The following EDEM1 variants were observed in gnomAD, a reference collection of about 807,000 sequenced individuals.
EDEM1 encodes the protein ER degradation-enhancing alpha-mannosidase-like protein 1.
Under a neutral mutation model 74.4 loss-of-function variants are expected in EDEM1, and 67 were observed. The observed-to-expected ratio is 0.90, with a 90% confidence interval of 0.74 to 1.10. EDEM1 has a LOEUF of 1.10. Among genes scored for constraint, EDEM1 ranks in the 50% least tolerant of loss-of-function variants. The pLI, the probability that EDEM1 is intolerant of heterozygous loss-of-function variation, is 0.00. For synonymous variants in EDEM1, 382 were observed against 335.9 expected, an observed-to-expected ratio of 1.14 and a Z score of -1.50; for missense variants, 926 against 851.6, an observed-to-expected ratio of 1.09 and a Z score of -1.09.
rs1273120820 is a variant in EDEM1, at chr3:5,218,995, T to C, written c.*3077T>C. The C allele has an allele frequency of 1.3e-5, 2 of 152,106 alleles. No individual in the cohort carries two copies. Among genetic ancestry groups the C allele is most frequent in the South Asian group, 4.1e-4 (2 of 4,830 alleles). 9.4% of individuals were successfully genotyped at this position (152,106 alleles called of 1,614,324 possible). A position where few individuals can be genotyped will look rare whatever the true frequency, so the allele number is the denominator to read the frequency against. The stretch of plus-strand genomic sequence containing the variant: ...TTTAAAGAAAAATGCACCAGGATGG[T>C]GTCTGTGCACGTGACTATTAGAGGA... On this transcript the variant is annotated 3_prime_UTR_variant, in exon 12 of 12. Transcript: ENST00000256497.
chr3:5,195,348 T>A, intron 2 of EDEM1, 67 bp downstream of exon 2: 1 of 962,098 alleles, frequency 1.0e-6, no homozygotes, highest in Non-Finnish European at 1.5e-6. Context: ...CCTAGTTCCC[T>A]CCAGCAGTGG....
chr3:5,193,742 C>G (rs749467166), intron 1 of EDEM1, among the ~76,000 whole-genome samples: 2 of 152,074 alleles, frequency 1.3e-5, no homozygotes, highest in Non-Finnish European at 2.9e-5. Context: ...GGATTACAGG[C>G]GCCTGCCACC....
intron 2 of EDEM1, among the ~76,000 whole-genome samples, chr3:5,198,296 G>C (rs1303514416): frequency 6.6e-6 from 1 of 152,142 alleles, no homozygotes; most frequent in African/African-American, 2.4e-5. Flanking sequence ...TGATCCGCTC[G>C]CTTTGGCCTC....
chr3:5,214,915 C>T (rs948973890), intron 11 of EDEM1, among the ~76,000 whole-genome samples: 4 of 152,194 alleles, frequency 2.6e-5, no homozygotes, highest in Non-Finnish European at 5.9e-5. Context: ...GTCTGTAGTG[C>T]TGTTGAAACA....
chr3:5,189,802 G>C (rs561242254), intron 1 of EDEM1, among the ~76,000 whole-genome samples: 12 of 152,226 alleles, frequency 7.9e-5, no homozygotes, highest in African/African-American at 2.6e-4. Context: ...GGGTTTCACC[G>C]TATTAGCCAG....
At position 5,209,710 on chromosome 3, in the gene EDEM1, G is replaced by A. The variant is rs1391168539; in HGVS notation, c.1510-465G>A. 2.0e-5 allele frequency among the ~76,000 whole-genome samples: 3 copies of A among 152,116 alleles called. No individual in the cohort carries two copies. In the East Asian group the frequency reaches 5.8e-4, roughly 29 times the overall value. On this transcript the variant is annotated intron_variant, in intron 8 of 11. Transcript: ENST00000256497. Reference sequence around the variant, plus strand: ...GGGTGATTAGAAAGGAAAGGGTGGCGGCCTCCTTTCATACTTCGGAAAGTC... The same window carrying A: ...GGGTGATTAGAAAGGAAAGGGTGGCAGCCTCCTTTCATACTTCGGAAAGTC...
chr3:5,209,307 TAGAA>T (rs1263767769), intron 8 of EDEM1, among the ~76,000 whole-genome samples: 1 of 152,198 alleles, frequency 6.6e-6, no homozygotes, highest in East Asian at 1.9e-4. Context: ...CTGAGCCCAG[TAGAA>T]AGACTGTACA....
At chr3:5,205,731 T>A (rs1255820308) in intron 6 of EDEM1, among the ~76,000 whole-genome samples, 1 of 152,186 alleles carries the variant, frequency 6.6e-6, no homozygotes, top group East Asian at 1.9e-4. Flanking sequence ...CCAGAGTGAG[T>A]GATCTGAGAG....
In EDEM1 at chr3:5,219,643, A is replaced by G. The variant is rs556864263; in HGVS notation, c.*3725A>G. 14 of 152,760 alleles carry G rather than the reference A, an allele frequency of 9.2e-5. No individual in the cohort carries two copies. Among genetic ancestry groups the G allele is most frequent in the Middle Eastern group, 3.4e-3 (1 of 294 alleles). The allele number at this position is 152,760 out of a possible 1,614,324, so 9.5% of individuals were successfully genotyped here. A position where few individuals can be genotyped will look rare whatever the true frequency, so the allele number is the denominator to read the frequency against. ...AAAGGTTATTTTGTTTTAGTTTTAA[A>G]TAGCAAAACACAAGCTGCATTTTTA... On this transcript the variant is annotated 3_prime_UTR_variant, in exon 12 of 12. Transcript: ENST00000256497.
chr3:5,203,138 C>T lies in EDEM1; in HGVS notation c.1031C>T (p.Thr344Ile). ...KALWNLRSND[T>I]GLLGNVVNIQ... is the part of the protein sequence containing the mutation. Reference sequence around the variant, plus strand: ...CTTTGGAACCTCCGGAGCAATGATACAGGATTACTAGGTGTGGCACCTTTC... The same window carrying T: ...CTTTGGAACCTCCGGAGCAATGATATAGGATTACTAGGTGTGGCACCTTTC... Residue 344 changes from threonine (T) to isoleucine (I), a missense_variant, in exon 5 of 12, where the codon ACA (threonine) becomes ATA (isoleucine). Coordinates refer to ENST00000256497, the MANE Select transcript of EDEM1 (RefSeq NM_014674.3). 6.3e-7 allele frequency: 1 copy of T among 1,583,602 alleles called. No individual in the cohort carries two copies. Among genetic ancestry groups the T allele is most frequent in the Non-Finnish European group, 8.6e-7 (1 of 1,166,454 alleles).
intron 1 of EDEM1, among the ~76,000 whole-genome samples, chr3:5,190,558 T>G (rs1194611033): frequency 6.6e-6 from 1 of 152,252 alleles, no homozygotes; most frequent in Non-Finnish European, 1.5e-5. Context: ...TATTTCAGGA[T>G]GAAGGCTGCC....
Position 5,216,145 on chromosome 3 carries a change from A to G in EDEM1, c.*227A>G. 3.8e-6 allele frequency: 2 copies of G among 526,144 alleles called. No individual in the cohort carries two copies. Among genetic ancestry groups the G allele is most frequent in the Non-Finnish European group, 6.6e-6 (2 of 302,794 alleles). The allele number at this position is 526,144 out of a possible 1,614,324, so 32.6% of individuals were successfully genotyped here. On this transcript the variant is annotated 3_prime_UTR_variant, in exon 12 of 12. Coordinates refer to ENST00000256497, the MANE Select transcript of EDEM1 (RefSeq NM_014674.3). ...GATATAATTTGAAGTGAGAAGATAC[A>G]TGGAAATTGCCCTCTTATGACATGT...
At chr3:5,214,576 C>G (rs1166940536) in intron 11 of EDEM1, among the ~76,000 whole-genome samples, 2 of 152,162 alleles carry the variant, frequency 1.3e-5, no homozygotes, top group African/African-American at 2.4e-5. Flanking sequence ...AAACACATAC[C>G]AGGGTTAGCC....
At chr3:5,211,307 T>C (rs1362132237) in intron 10 of EDEM1, 91 bp downstream of exon 10, 1 of 1,224,086 alleles carries the variant, frequency 8.2e-7, no homozygotes, top group South Asian at 1.3e-5. Context: ...ACTTACTGGC[T>C]AAAGCTATGT....
At position 5,188,280 on chromosome 3, in the gene EDEM1, C is replaced by A. The variant is rs549017681; in HGVS notation, c.475C>A (p.His159Asn). 6 of 1,548,356 alleles carry A rather than the reference C, an allele frequency of 3.9e-6. No homozygotes were observed. The highest frequency in any genetic ancestry group is 1.7e-4 in the Middle Eastern group (1 of 5,872). The change falls in exon 1 of 12, where the codon CAC becomes AAC. Residue 159 changes from histidine to asparagine, a missense_variant. Physicochemically the swap from His to Asn is moderately conservative, Grantham distance 68. Coordinates refer to ENST00000256497, the MANE Select transcript of EDEM1 (RefSeq NM_014674.3). ...AFPQDELNPI[H>N]CRGRGPDRGD... ...CCCCCAGGACGAGCTCAACCCCATCCACTGCCGCGGCCGTGGGCCCGACCG... is the reference window on the plus strand; with the variant it reads ...CCCCCAGGACGAGCTCAACCCCATCAACTGCCGCGGCCGTGGGCCCGACCG...
At chr3:5,202,923 T>A (rs962766888) in intron 4 of EDEM1, 43 bp from the exon 5 acceptor site, 22 of 1,585,886 alleles carry the variant, frequency 1.4e-5, no homozygotes, top group Non-Finnish European at 1.9e-5. Flanking sequence ...GCTCTGTGGA[T>A]TCCTTGAGTT....
chr3:5,207,260 T>TAA lies in EDEM1; in HGVS notation c.1325_1326insAA (p.Phe442LeufsTer8). On this transcript the variant is annotated frameshift_variant, in exon 7 of 12. Transcript: ENST00000256497. LOFTEE classifies it high-confidence loss of function. Reference sequence around the variant, plus strand: ...TGGATTGACTCTCTGCAGGCCTTTTTCCCTGGACTGCAGGTATTTTGCCAT... The same window carrying TAA: ...TGGATTGACTCTCTGCAGGCCTTTTTAACCCTGGACTGCAGGTATTTTGCCAT... 2 of 1,614,098 alleles carry TAA rather than the reference T, an allele frequency of 1.2e-6. No individual in the cohort carries two copies. The highest frequency in any genetic ancestry group is 1.7e-6 in the Non-Finnish European group (2 of 1,180,000).
At chr3:5,211,299 T>G in intron 10 of EDEM1, 83 bp downstream of exon 10, 1 of 1,328,892 alleles carries the variant, frequency 7.5e-7, no homozygotes, top group Non-Finnish European at 1.1e-6. Flanking sequence ...TGACAGGTAC[T>G]TACTGGCTAA....
intron 2 of EDEM1, among the ~76,000 whole-genome samples, chr3:5,197,064 CTTT>C (rs34982467): frequency 6.2e-4 from 72 of 115,558 alleles, no homozygotes; most frequent in African/African-American, 8.4e-4. Context: ...GAGTAGCTGG[CTTT>C]TTTTTTTTTT....
Sources: allele counts gnomAD v4.1 joint callset (sites outside exome capture counted in the v4.1 genomes callset), GRCh38; gene constraint gnomAD v4.1.1; transcripts MANE v1.5; gene names NCBI Gene and HGNC (gene_info 2026-07-23, HGNC 2026-07-21).